ADAMTS16: variants seen among roughly 807,000 people sequenced by gnomAD.
ADAMTS16 encodes the protein ADAM metallopeptidase with thrombospondin type 1 motif 16, also known as A disintegrin and metalloproteinase with thrombospondin motifs 16.
In ADAMTS16, 94 loss-of-function variants were observed where a neutral mutation model predicts 145.8. The ratio of observed to expected loss-of-function variants is 0.64; its 90% CI spans 0.55 to 0.77. ADAMTS16 has a LOEUF of 0.77. ADAMTS16 is among the 30% of genes least tolerant of loss of function. The pLI is 0.00. For missense variants in ADAMTS16, 1,585 were observed against 1,591.5 expected (o/e 1.00, Z 0.07); for synonymous variants, 659 against 604.3 (o/e 1.09, Z -1.33).
intron 18 of ADAMTS16, among the ~76,000 whole-genome samples, chr5:5,302,248 C>A (rs1739811255): frequency 6.6e-6 from 1 of 152,178 alleles, no homozygotes; most frequent in African/African-American, 2.4e-5. Flanking sequence ...CCACTCTGCA[C>A]CCCATCACTT....
intron 21 of ADAMTS16, among the ~76,000 whole-genome samples, chr5:5,313,684 G>A (rs767228892): frequency 5.9e-5 from 9 of 152,258 alleles, no homozygotes; most frequent in Non-Finnish European, 1.2e-4. Context: ...GGCAGCAGCC[G>A]TGTCAGAGAA....
intron 9 of ADAMTS16, among the ~76,000 whole-genome samples, chr5:5,203,906 G>A (rs1383472077): frequency 6.6e-6 from 1 of 152,116 alleles, no homozygotes; most frequent in African/African-American, 2.4e-5. Context: ...TTCTGTTGAT[G>A]GGAAAATGAG....
chr5:5,229,241 T>A lies in ADAMTS16; in HGVS notation c.1702-3127T>A, dbSNP rs568262644. ...TGAACCCGGGAAGCGGAGCTTGCAG[T>A]GAGCCGAGATTGCGCCACTGCAGTC... On this transcript the variant is annotated intron_variant, in intron 11 of 22. Coordinates refer to ENST00000274181, the MANE Select transcript of ADAMTS16 (RefSeq NM_139056.4). Among the ~76,000 whole-genome samples the A allele has an allele frequency of 6.5e-3, 889 of 136,918 alleles. 5 individuals are homozygous for A. Among genetic ancestry groups the A allele is most frequent in the African/African-American group, 0.023 (819 of 35,416 alleles). 89.8% of individuals were successfully genotyped at this position (136,918 alleles called of 152,430 possible). A position where few individuals can be genotyped will look rare whatever the true frequency, so the allele number is the denominator to read the frequency against.
At chr5:5,219,497 T>C (rs923033158) in intron 10 of ADAMTS16, among the ~76,000 whole-genome samples, 7 of 152,246 alleles carry the variant, frequency 4.6e-5, no homozygotes, top group African/African-American at 1.7e-4. Flanking sequence ...TATTTTGTCA[T>C]CGCAACTCTT....
rs1433851600 is a variant in ADAMTS16 at position 5,269,940 on chromosome 5, C to T, written c.2789+7157C>T. On this transcript the variant is annotated intron_variant, in intron 18 of 22. Transcript: ENST00000274181. This position sits in a 1 kb window ranked among gnomAD's most constrained non-coding sequence, Gnocchi z 4.3. ...GGGAAGCTGGAGCTGATGTGTCCTA[C>T]AGCAAGTAGAAACATGAGACTGAGG... 6.6e-6 allele frequency among the ~76,000 whole-genome samples: 1 copy of T among 152,192 alleles called. No homozygotes were observed. The highest frequency in any genetic ancestry group is 2.4e-5 in the African/African-American group (1 of 41,456).
At chr5:5,212,151 A>G (rs187658157) in intron 10 of ADAMTS16, among the ~76,000 whole-genome samples, 1 of 145,490 alleles carries the variant, frequency 6.9e-6, no homozygotes, top group Non-Finnish European at 1.5e-5. Flanking sequence ...ATTATTACGT[A>G]TGTTTCTATT....
chr5:5,189,649 G>T (rs1289874313), intron 6 of ADAMTS16, among the ~76,000 whole-genome samples: 1 of 152,064 alleles, frequency 6.6e-6, no homozygotes, highest in African/African-American at 2.4e-5. Context: ...ACTTAATTTT[G>T]AAAAGTGTTT....
At chr5:5,191,990 A>G (rs746406804) in intron 8 of ADAMTS16, among the ~76,000 whole-genome samples, 200 bp downstream of exon 8, 1 of 146,616 alleles carries the variant, frequency 6.8e-6, no homozygotes, top group Non-Finnish European at 1.5e-5. Context: ...ATTTTTATTT[A>G]TTTACTTTAT....
chr5:5,261,736 G>A (rs539323895), intron 17 of ADAMTS16, among the ~76,000 whole-genome samples: 2 of 152,190 alleles, frequency 1.3e-5, no homozygotes, highest in Non-Finnish European at 2.9e-5. Context: ...CACCCGCCTC[G>A]GCCGCCCAAA....
At chr5:5,254,923 T>G (rs1483894250) in intron 17 of ADAMTS16, among the ~76,000 whole-genome samples, 1 of 152,154 alleles carries the variant, frequency 6.6e-6, no homozygotes, top group Non-Finnish European at 1.5e-5. Flanking sequence ...ATTTAATAGC[T>G]TTGGTGTTAA....
intron 18 of ADAMTS16, among the ~76,000 whole-genome samples, chr5:5,267,586 C>T (rs1390029929): frequency 6.6e-6 from 1 of 152,118 alleles, no homozygotes; most frequent in Non-Finnish European, 1.5e-5. Flanking sequence ...GTCAGCGTGC[C>T]CCTCTGCCGA....
rs1434961467 is a variant in ADAMTS16 at position 5,319,040 on chromosome 5, T to G, written c.3577T>G (p.Tyr1193Asp). The change falls in exon 23 of 23, where the codon TAC becomes GAC. Residue 1193 changes from tyrosine (Y) to aspartate (D), a missense_variant. Tyr to Asp is a radical substitution (Grantham distance 160). Coordinates refer to ENST00000274181, the MANE Select transcript of ADAMTS16 (RefSeq NM_139056.4). ...ATTTTCAGATGCCTTCTGCAAAGACTACTTCCACTGGTGCTACCTGGTACC... is the reference window on the plus strand; with the variant it reads ...ATTTTCAGATGCCTTCTGCAAAGACGACTTCCACTGGTGCTACCTGGTACC... Reference protein sequence around the residue: ...AEKKDAFCKDYFHWCYLVPQH... With the variant: ...AEKKDAFCKDDFHWCYLVPQH... 1.2e-6 allele frequency: 2 copies of G among 1,612,860 alleles called. No individual in the cohort carries two copies. Among genetic ancestry groups the G allele is most frequent in the Non-Finnish European group, 1.7e-6 (2 of 1,179,546 alleles).
At chr5:5,165,846 T>C (rs1473924362) in intron 3 of ADAMTS16, among the ~76,000 whole-genome samples, 1 of 152,136 alleles carries the variant, frequency 6.6e-6, no homozygotes, top group African/African-American at 2.4e-5. Context: ...TCATGACCCA[T>C]GGGCTCTGAT....
intron 12 of ADAMTS16, 21 bp downstream of exon 12, chr5:5,232,537 T>C: frequency 1.2e-6 from 2 of 1,608,274 alleles, no homozygotes; most frequent in Non-Finnish European, 1.7e-6. Flanking sequence ...CTTGACCTCC[T>C]TCCTCACAAA....
intron 12 of ADAMTS16, among the ~76,000 whole-genome samples, chr5:5,234,789 G>C (rs1255075290): frequency 6.9e-6 from 1 of 144,808 alleles, no homozygotes. Context: ...AGAATCACTT[G>C]AACCCAGGAG....
At chr5:5,250,802 G>C (rs960021837) in intron 17 of ADAMTS16, among the ~76,000 whole-genome samples, 3 of 151,872 alleles carry the variant, frequency 2.0e-5, no homozygotes, top group Non-Finnish European at 4.4e-5. Context: ...TCTCCAGTTT[G>C]ATATTCTGTG....
At chr5:5,200,668 C>T (rs912105883) in intron 9 of ADAMTS16, among the ~76,000 whole-genome samples, 12 of 152,070 alleles carry the variant, frequency 7.9e-5, no homozygotes, top group Non-Finnish European at 1.5e-4. Flanking sequence ...TCTTCTTTCT[C>T]TTTATTTTTT....
chr5:5,194,251 A>G (rs1025607684), intron 8 of ADAMTS16, among the ~76,000 whole-genome samples: 1 of 152,136 alleles, frequency 6.6e-6, no homozygotes, highest in African/African-American at 2.4e-5. Context: ...TCAACGAAAA[A>G]CCTGCTGACC....
rs529577092 is a variant in ADAMTS16 at position 5,170,023 on chromosome 5, G to A, written c.502-12021G>A. ...GAATAGTGCTATAATAAACATGGGA[G>A]TGCAGATATCTCTTCGATTTTCTTC... On this transcript the variant is annotated intron_variant, in intron 3 of 22. Coordinates refer to ENST00000274181, the MANE Select transcript of ADAMTS16 (RefSeq NM_139056.4). Among the ~76,000 whole-genome samples the A allele has an allele frequency of 6.0e-4, 92 of 152,318 alleles. No individual in the cohort carries two copies. The South Asian group carries it at 1.0e-2, about 16-fold the overall frequency.
Sources: allele counts gnomAD v4.1 joint callset (sites outside exome capture counted in the v4.1 genomes callset), GRCh38; gene constraint gnomAD v4.1.1; non-coding constraint Gnocchi (gnomAD v3.1); transcripts MANE v1.5; gene names NCBI Gene and HGNC (gene_info 2026-07-23, HGNC 2026-07-21).